DNAJC1: variants seen among roughly 807,000 people sequenced by gnomAD.
DNAJC1 encodes dnaJ homolog subfamily C member 1.
A neutral mutation model predicts 76.6 loss-of-function variants in DNAJC1; 58 were observed. The ratio of observed to expected loss-of-function variants is 0.76; its 90% CI spans 0.61 to 0.94. DNAJC1 has a LOEUF of 0.94. Ranked by LOEUF, DNAJC1 falls within the 40% of genes least tolerant of loss-of-function variation. The pLI, the probability that DNAJC1 is intolerant of heterozygous loss-of-function variation, is 0.00. For missense variants in DNAJC1, 689 were observed against 677.3 expected (o/e 1.02, Z -0.19); for synonymous variants, 258 against 267.9 (o/e 0.96, Z 0.36).
At chr10:21,805,959 T>C (rs765403751) in intron 9 of DNAJC1, 21 bp downstream of exon 9, 17 of 1,611,060 alleles carry the variant, frequency 1.1e-5, no homozygotes, top group African/African-American at 1.3e-5. Flanking sequence ...CTCTATACAA[T>C]GCAAATCTCA....
intron 1 of DNAJC1, among the ~76,000 whole-genome samples, chr10:21,965,902 T>C (rs74122709): frequency 5.9e-5 from 9 of 152,326 alleles, no homozygotes; most frequent in African/African-American, 1.9e-4. Flanking sequence ...CCAAGAACCC[T>C]CTCATGGGGT....
chr10:21,912,745 C>A (rs928482373), intron 6 of DNAJC1, among the ~76,000 whole-genome samples: 2 of 151,998 alleles, frequency 1.3e-5, no homozygotes, highest in East Asian at 1.9e-4. Context: ...TGCCTCATAG[C>A]CTTTTAGAAG....
At chr10:21,844,455 T>C (rs569434252) in intron 8 of DNAJC1, among the ~76,000 whole-genome samples, 19 of 152,238 alleles carry the variant, frequency 1.2e-4, no homozygotes, top group East Asian at 1.2e-3. Flanking sequence ...TCTTGAGTTA[T>C]GTAAGGAGAC....
intron 8 of DNAJC1, among the ~76,000 whole-genome samples, chr10:21,824,947 T>G (rs985830219): frequency 1.3e-5 from 2 of 152,098 alleles, no homozygotes; most frequent in Non-Finnish European, 2.9e-5. Context: ...GCTAATTTTT[T>G]GTATTTTTAG....
At chr10:21,952,793 G>C (rs564812172) in intron 1 of DNAJC1, among the ~76,000 whole-genome samples, 23 of 152,106 alleles carry the variant, frequency 1.5e-4, no homozygotes, top group Admixed American at 4.6e-4. Flanking sequence ...ATAAAGACAG[G>C]GTCTCGCATA....
At chr10:21,970,135 T>C (rs1273936650) in intron 1 of DNAJC1, among the ~76,000 whole-genome samples, 4 of 152,152 alleles carry the variant, frequency 2.6e-5, no homozygotes, top group Non-Finnish European at 5.9e-5. Flanking sequence ...CTAAGTTTTC[T>C]TGACTGGAAA....
rs183718474 is a variant in DNAJC1 at position 21,942,845 on chromosome 10, T to C, written c.223-13704A>G. On this transcript the variant is annotated intron_variant, in intron 1 of 11. Transcript: ENST00000376980. ...AAAAAGAAAGAAAGAAAAAGAAATATAAGCATACAATACCAAGCCTATATT... is the reference window on the plus strand; with the variant it reads ...AAAAAGAAAGAAAGAAAAAGAAATACAAGCATACAATACCAAGCCTATATT... Among the ~76,000 whole-genome samples, 189 of 146,250 alleles carry C rather than the reference T, an allele frequency of 1.3e-3. 3 individuals are homozygous for C. The highest frequency in any genetic ancestry group is 2.4e-4 in the Non-Finnish European group (16 of 66,028).
chr10:21,978,831 G>T (rs753117766), intron 1 of DNAJC1, among the ~76,000 whole-genome samples: 4 of 151,940 alleles, frequency 2.6e-5, no homozygotes, highest in Non-Finnish European at 5.9e-5. Context: ...TTCAGTAAGT[G>T]ATATGTTTAT....
intron 1 of DNAJC1, among the ~76,000 whole-genome samples, chr10:21,931,166 T>G (rs1837215525): frequency 6.6e-6 from 1 of 152,082 alleles, no homozygotes; most frequent in Non-Finnish European, 1.5e-5. Flanking sequence ...TGTTTTCCAA[T>G]TTTTTTAGCC....
chr10:21,945,872 G>A (rs1039850603), intron 1 of DNAJC1, among the ~76,000 whole-genome samples: 2 of 152,042 alleles, frequency 1.3e-5, no homozygotes, highest in Admixed American at 1.3e-4. Context: ...TTTAAAAGAG[G>A]ATCAATAGTG....
intron 9 of DNAJC1, among the ~76,000 whole-genome samples, chr10:21,804,899 C>T (rs1008491533): frequency 1.3e-5 from 2 of 151,894 alleles, no homozygotes; most frequent in Non-Finnish European, 1.5e-5. Flanking sequence ...ATACCTAATC[C>T]AAAAGTCTGA....
chr10:21,828,571 A>T (rs891448124), intron 8 of DNAJC1, among the ~76,000 whole-genome samples: 2 of 152,202 alleles, frequency 1.3e-5, no homozygotes, highest in African/African-American at 4.8e-5. Flanking sequence ...AAATTTAAAC[A>T]TATGATAGAA....
At chr10:21,926,260 C>CTTT (rs774374066) in intron 3 of DNAJC1, among the ~76,000 whole-genome samples, 1 of 134,736 alleles carries the variant, frequency 7.4e-6, no homozygotes, top group Non-Finnish European at 1.6e-5. Flanking sequence ...CCAGCCTTTC[C>CTTT]TTTTTTTTTT....
At chr10:21,770,437 G>A (rs370832089) in intron 9 of DNAJC1, among the ~76,000 whole-genome samples, 2 of 128,986 alleles carry the variant, frequency 1.6e-5, no homozygotes, top group African/African-American at 6.1e-5. Flanking sequence ...TAGCTCTGTC[G>A]CCCAGGCTGG....
chr10:21,771,762 C>T (rs1217787973), intron 9 of DNAJC1, among the ~76,000 whole-genome samples: 2 of 152,098 alleles, frequency 1.3e-5, no homozygotes, highest in East Asian at 1.9e-4. Context: ...CCTCCCAAAG[C>T]GTTGGTATTA....
intron 6 of DNAJC1, among the ~76,000 whole-genome samples, chr10:21,914,971 A>G (rs1487098912): frequency 6.6e-6 from 1 of 152,192 alleles, no homozygotes; most frequent in African/African-American, 2.4e-5. Flanking sequence ...GTATTGTAGA[A>G]TGGTTATTTA....
chr10:21,773,145 C>G (rs1363969800), intron 9 of DNAJC1, among the ~76,000 whole-genome samples: 1 of 152,072 alleles, frequency 6.6e-6, no homozygotes, highest in Non-Finnish European at 1.5e-5. Flanking sequence ...ATATCACTGC[C>G]CTGCTTTTTG....
intron 7 of DNAJC1, among the ~76,000 whole-genome samples, chr10:21,900,339 T>G (rs1318178066): frequency 6.8e-6 from 1 of 146,782 alleles, no homozygotes; most frequent in Non-Finnish European, 1.5e-5. Context: ...TGAGACTCCA[T>G]CTCAAAAAAA....
At chr10:21,761,757 C>G (rs1834243864) in intron 10 of DNAJC1, among the ~76,000 whole-genome samples, 4 of 152,086 alleles carry the variant, frequency 2.6e-5, no homozygotes, top group Admixed American at 6.5e-5. Context: ...TTAATGGCAA[C>G]AAACTCCCTG....
Sources: allele counts gnomAD v4.1 joint callset (sites outside exome capture counted in the v4.1 genomes callset), GRCh38; gene constraint gnomAD v4.1.1; transcripts MANE v1.5; gene names NCBI Gene and HGNC (gene_info 2026-07-23, HGNC 2026-07-21).